Variants in FBXL13 observed in about 807,000 individuals in gnomAD.
The protein encoded by FBXL13 is F-box and leucine rich repeat protein 13, also known as F-box and leucine-rich repeat protein 13.
A neutral mutation model predicts 83.6 loss-of-function variants in FBXL13; 67 were observed. The ratio of observed to expected loss-of-function variants is 0.80; its 90% CI spans 0.66 to 0.98. The LOEUF (loss-of-function observed/expected upper bound fraction) is 0.98, where lower values mean the gene tolerates loss of function less well. Ranked by LOEUF, FBXL13 falls within the 50% of genes least tolerant of loss-of-function variation. The pLI, the probability that FBXL13 is intolerant of heterozygous loss-of-function variation, is 0.00. For synonymous variants in FBXL13, 272 were observed against 299.5 expected (o/e 0.91, Z 0.95); for missense variants, 822 against 866.5 (o/e 0.95, Z 0.64).
chr7:103,029,362 C>A, exon 3 of FBXL13: 2 of 1,544,762 alleles, frequency 1.3e-6, no homozygotes, highest in Admixed American at 2.0e-5. Context: ...AAAAATGAGT[C>A]TTTACTAAAT....
chr7:103,058,547 G>A (rs1563284030), intron 1 of FBXL13, among the ~76,000 whole-genome samples: 1 of 152,222 alleles, frequency 6.6e-6, no homozygotes, highest in African/African-American at 2.4e-5. Context: ...TAGCACTTCT[G>A]TGCCTGGGTC....
intron 11 of FBXL13, among the ~76,000 whole-genome samples, chr7:102,897,215 A>G (rs1378313352): frequency 6.6e-6 from 1 of 151,986 alleles, no homozygotes; most frequent in Non-Finnish European, 1.5e-5. Flanking sequence ...TGTAGGTGAT[A>G]TAAAGCCATG....
chr7:103,023,719 A>G (rs1414024459), intron 6 of FBXL13, among the ~76,000 whole-genome samples: 2 of 152,222 alleles, frequency 1.3e-5, no homozygotes, highest in Non-Finnish European at 2.9e-5. Context: ...TATGAAATCA[A>G]CCTAAATGCC....
chr7:102,949,066 A>G (rs1822995193), intron 8 of FBXL13, among the ~76,000 whole-genome samples: 1 of 152,150 alleles, frequency 6.6e-6, no homozygotes, highest in African/African-American at 2.4e-5. Context: ...TTACTGGTAT[A>G]AGGATTACAA....
At chr7:102,955,589 G>GA (rs1344760944) in intron 8 of FBXL13, among the ~76,000 whole-genome samples, 4 of 150,396 alleles carry the variant, frequency 2.7e-5, no homozygotes. Flanking sequence ...AAAAAACAAT[G>GA]AATCCAGGAG....
intron 9 of FBXL13, among the ~76,000 whole-genome samples, chr7:102,927,186 A>C (rs967725339): frequency 8.5e-5 from 13 of 152,236 alleles, no homozygotes; most frequent in African/African-American, 3.1e-4. Context: ...TATAGGTAAC[A>C]CTATATAAAA....
chr7:102,861,878 A>G (rs1380222540), intron 16 of FBXL13, among the ~76,000 whole-genome samples: 2 of 151,296 alleles, frequency 1.3e-5, no homozygotes, highest in Non-Finnish European at 2.9e-5. Context: ...GCTACTCGGG[A>G]GGATGAGGCA....
rs1285880514 is a variant in FBXL13 at position 103,025,063 on chromosome 7, CTG to C, written c.493_494del (p.Gln165AspfsTer17). On this transcript the variant is annotated frameshift_variant and splice_region_variant, in exon 6 of 20. Coordinates refer to ENST00000313221, the Ensembl canonical transcript of FBXL13. LOFTEE classifies it high-confidence loss of function. ...TAATGTATACTGAATTCATACAAAC[CTG>C]TAATATTGCTCTTTCAGGTAACAGT... 6.2e-7 allele frequency: 1 copy of C among 1,606,890 alleles called. No individual in the cohort carries two copies. The highest frequency in any genetic ancestry group is 1.1e-5 in the South Asian group (1 of 90,058).
chr7:103,021,054 G>A (rs900845865), intron 6 of FBXL13, among the ~76,000 whole-genome samples: 2 of 152,134 alleles, frequency 1.3e-5, no homozygotes, highest in African/African-American at 4.8e-5. Flanking sequence ...AACAAAGCTG[G>A]AGGCATCATG....
chr7:102,920,104 G>C (rs1584939555), intron 10 of FBXL13, among the ~76,000 whole-genome samples: 1 of 152,188 alleles, frequency 6.6e-6, no homozygotes, highest in East Asian at 1.9e-4. Flanking sequence ...AAGTGTATTA[G>C]ATCACTGTGT....
In FBXL13 at chr7:102,973,646, G is replaced by A. The variant is rs776239213; in HGVS notation, c.496-5529C>T. On this transcript the variant is annotated intron_variant, in intron 6 of 19. Transcript: ENST00000313221. ...GTGCCGAAACCCGGGAGGGGCTCCG[G>A]TCTTCGTCCCCCGTGGACCTACCCC... 4 of 766,310 alleles carry A rather than the reference G, an allele frequency of 5.2e-6. No individual in the cohort carries two copies. The South Asian group carries it at 5.4e-5, about 10-fold the overall frequency. The allele number at this position is 766,310 out of a possible 1,614,324, so 47.5% of individuals were successfully genotyped here. A position where few individuals can be genotyped will look rare whatever the true frequency, so the allele number is the denominator to read the frequency against.
In FBXL13 at chr7:102,907,475, G is replaced by GC. The variant is rs568234212; in HGVS notation, c.1008+5610dup. ...CTAATGCTATCTCTCCCCCATTCCC[G>GC]CCCCCCCACAACAGGCCCCGGTGTG... On this transcript the variant is annotated intron_variant, in intron 11 of 19. Coordinates refer to ENST00000313221, the Ensembl canonical transcript of FBXL13. Among the ~76,000 whole-genome samples the GC allele has an allele frequency of 1.7e-3, 167 of 98,750 alleles. 1 individual carries two copies. In the East Asian group the frequency reaches 0.041, roughly 24 times the overall value. The allele number at this position is 98,750 out of a possible 152,430, so 64.8% of individuals were successfully genotyped here.
At chr7:102,859,255 TG>T (rs1451530052) in intron 16 of FBXL13, among the ~76,000 whole-genome samples, 2 of 152,174 alleles carry the variant, frequency 1.3e-5, no homozygotes, top group Non-Finnish European at 2.9e-5. Context: ...AACACATCTT[TG>T]TAACTGAGCA....
intron 2 of FBXL13, among the ~76,000 whole-genome samples, chr7:103,035,845 A>T (rs1258859602): frequency 6.6e-6 from 1 of 152,200 alleles, no homozygotes; most frequent in African/African-American, 2.4e-5. Context: ...AACATAATTC[A>T]CCATATTATA....
intron 16 of FBXL13, among the ~76,000 whole-genome samples, chr7:102,861,027 A>C (rs1806750050): frequency 6.6e-6 from 1 of 151,852 alleles, no homozygotes; most frequent in African/African-American, 2.4e-5. Flanking sequence ...ATATACATAA[A>C]TTTCCCTGAA....
At chr7:102,987,598 A>G (rs550215480) in intron 6 of FBXL13, among the ~76,000 whole-genome samples, 3 of 152,266 alleles carry the variant, frequency 2.0e-5, no homozygotes, top group Non-Finnish European at 2.9e-5. Context: ...AAATAAAAAC[A>G]TAAGCCTCAC....
intron 8 of FBXL13, among the ~76,000 whole-genome samples, chr7:102,939,116 C>T (rs763639865): frequency 1.3e-5 from 2 of 152,176 alleles, no homozygotes; most frequent in Non-Finnish European, 2.9e-5. Flanking sequence ...TCCTGATAAA[C>T]AGGCTGCTTT....
chr7:102,962,432 T>A (rs1380178220), intron 8 of FBXL13, among the ~76,000 whole-genome samples: 1 of 152,172 alleles, frequency 6.6e-6, no homozygotes, highest in Non-Finnish European at 1.5e-5. Flanking sequence ...TGGCTATTCC[T>A]CAGGGATCTA....
intron 6 of FBXL13, among the ~76,000 whole-genome samples, chr7:102,977,410 A>C (rs952326590): frequency 6.6e-6 from 1 of 152,216 alleles, no homozygotes; most frequent in Non-Finnish European, 1.5e-5. Context: ...CTTAACATAG[A>C]CAATAATGGA....
Sources: gnomAD v4.1 joint callset for allele counts (sites outside exome capture counted in the v4.1 genomes callset) on GRCh38, gnomAD v4.1.1 for gene constraint, MANE v1.5 for transcripts, NCBI Gene and HGNC (gene_info 2026-07-23, HGNC 2026-07-21) for gene names.